Variants in SUGCT observed in about 807,000 individuals in gnomAD.
The protein encoded by SUGCT is succinyl-CoA:glutarate-CoA transferase, also known as succinyl-CoA:glutarate CoA-transferase.
In SUGCT, 41 loss-of-function variants were observed where a neutral mutation model predicts 55.0. The ratio of observed to expected loss-of-function variants is 0.74; its 90% CI spans 0.58 to 0.97. SUGCT has a LOEUF of 0.97. Ranked by LOEUF, SUGCT falls within the 50% of genes least tolerant of loss-of-function variation. The pLI is 0.00. For missense variants in SUGCT, 568 were observed against 547.8 expected (o/e 1.04, Z -0.37); for synonymous variants, 187 against 200.4 (o/e 0.93, Z 0.56).
the SUGCT span, among the ~76,000 whole-genome samples, chr7:40,944,042 A>AT: frequency 6.6e-6 from 1 of 151,586 alleles, no homozygotes; most frequent in Non-Finnish European, 1.5e-5. Flanking sequence ...GATGATGAGC[A>AT]TTTTTTCATG....
intron 12 of SUGCT, among the ~76,000 whole-genome samples, chr7:40,722,352 T>G (rs1786386595): frequency 6.6e-6 from 1 of 152,224 alleles, no homozygotes; most frequent in Non-Finnish European, 1.5e-5. Flanking sequence ...TATTTTGCTC[T>G]ATTTTTACAT....
At chr7:40,942,757 A>G in the SUGCT span, among the ~76,000 whole-genome samples, 28 of 136,864 alleles carry the variant, frequency 2.0e-4, no homozygotes, top group South Asian at 6.1e-3. Context: ...GTTTCTTTTA[A>G]ATTCTCTGTC....
At chr7:40,322,816 G>C (rs1185921612) in intron 9 of SUGCT, among the ~76,000 whole-genome samples, 2 of 152,004 alleles carry the variant, frequency 1.3e-5, no homozygotes, top group Non-Finnish European at 2.9e-5. Context: ...AACTAGGCAT[G>C]ATGGCACAAG....
chr7:40,237,792 G>GC, intron 7 of SUGCT, 66 bp downstream of exon 7: 1 of 1,312,390 alleles, frequency 7.6e-7, no homozygotes, highest in Non-Finnish European at 1.1e-6. Context: ...ATTTTACTCT[G>GC]CACTAACCCA....
the SUGCT span, among the ~76,000 whole-genome samples, chr7:40,944,436 C>T: frequency 6.6e-6 from 1 of 151,424 alleles, no homozygotes; most frequent in Admixed American, 6.6e-5. Flanking sequence ...AGTCTTTAAT[C>T]CATCTTGAAT....
chr7:40,331,772 A>G (rs1796321055), intron 9 of SUGCT, among the ~76,000 whole-genome samples: 1 of 152,104 alleles, frequency 6.6e-6, no homozygotes. Context: ...GCAGATTGGT[A>G]GTCTGGTAGA....
At chr7:40,865,333 T>A (rs35667590), downstream of SUGCT, among the ~76,000 whole-genome samples, 180 of 152,308 alleles carry the variant, frequency 1.2e-3, no homozygotes, top group African/African-American at 3.7e-3. Flanking sequence ...ATTCTCACTA[T>A]GACTTCACCC....
intron 12 of SUGCT, among the ~76,000 whole-genome samples, chr7:40,580,943 A>T (rs1797056684): frequency 6.6e-6 from 1 of 152,206 alleles, no homozygotes; most frequent in African/African-American, 2.4e-5. Context: ...TGATGTTTGC[A>T]AAATGATGAA....
chr7:40,140,475 A>G (rs1305678019), intron 1 of SUGCT, among the ~76,000 whole-genome samples: 1 of 152,076 alleles, frequency 6.6e-6, no homozygotes, highest in Non-Finnish European at 1.5e-5. Flanking sequence ...ATCTCAGTTC[A>G]TTGCAACCTC....
At chr7:40,198,718 T>A (rs1159524736) in intron 6 of SUGCT, among the ~76,000 whole-genome samples, 1 of 145,462 alleles carries the variant, frequency 6.9e-6, no homozygotes. Context: ...AAAAATTAGC[T>A]GGGTATGGTG....
chr7:40,763,543 G>A (rs1030261414), intron 13 of SUGCT, among the ~76,000 whole-genome samples: 7 of 152,192 alleles, frequency 4.6e-5, no homozygotes, highest in Admixed American at 3.9e-4. Context: ...GTTCGCTCAT[G>A]TTTGAGAGTG....
At chr7:40,889,183 A>C in the SUGCT span, among the ~76,000 whole-genome samples, 404 of 152,230 alleles carry the variant, frequency 2.7e-3, 2 homozygotes, top group African/African-American at 9.1e-3. Context: ...AGCTGGTAAA[A>C]GCGTGGACCC....
chr7:40,288,542 A>G (rs1584578310), intron 8 of SUGCT, among the ~76,000 whole-genome samples: 1 of 152,094 alleles, frequency 6.6e-6, no homozygotes, highest in Middle Eastern at 3.4e-3. Flanking sequence ...TAATTTCCAG[A>G]GTTTTCAAAA....
intron 12 of SUGCT, among the ~76,000 whole-genome samples, chr7:40,609,985 G>T (rs1034804): frequency 0.042 from 6,425 of 152,134 alleles, 449 homozygotes; most frequent in African/African-American, 0.15. Context: ...TTGAGCTCTT[G>T]GTATTATAGG....
intron 9 of SUGCT, among the ~76,000 whole-genome samples, chr7:40,377,306 G>A (rs531271645): frequency 6.8e-6 from 1 of 146,922 alleles, no homozygotes; most frequent in East Asian, 2.0e-4. Flanking sequence ...GCAGTGGCAT[G>A]ATCTCTGCTC....
chr7:40,159,803 A>G (rs954604617), intron 1 of SUGCT, among the ~76,000 whole-genome samples: 12 of 152,152 alleles, frequency 7.9e-5, no homozygotes, highest in African/African-American at 2.7e-4. Flanking sequence ...TGCCTCAACA[A>G]TGGTAAACAC....
At chr7:40,740,697 A>G (rs1319114965) in intron 12 of SUGCT, among the ~76,000 whole-genome samples, 5 of 151,898 alleles carry the variant, frequency 3.3e-5, no homozygotes, top group Non-Finnish European at 7.4e-5. Context: ...ATTCCCTTCA[A>G]TCCCTAACTT....
At chr7:40,388,557 A>G (rs939377629) in intron 9 of SUGCT, among the ~76,000 whole-genome samples, 21 of 152,038 alleles carry the variant, frequency 1.4e-4, no homozygotes, top group Non-Finnish European at 4.4e-5. Flanking sequence ...CTGGGATTAC[A>G]GGTGTGTGCC....
At chr7:40,467,991 A>C (rs1339235996) in intron 11 of SUGCT, among the ~76,000 whole-genome samples, 1 of 150,814 alleles carries the variant, frequency 6.6e-6, no homozygotes, top group African/African-American at 2.4e-5. Context: ...TTTAACTAAA[A>C]GAGTACCTTA....
Sources: gnomAD v4.1 joint callset for allele counts (sites outside exome capture counted in the v4.1 genomes callset) on GRCh38, gnomAD v4.1.1 for gene constraint, MANE v1.5 for transcripts, NCBI Gene and HGNC (gene_info 2026-07-23, HGNC 2026-07-21) for gene names.